Variants in GRID2 observed in about 807,000 individuals in gnomAD.
The protein encoded by GRID2 is glutamate ionotropic receptor delta type subunit 2, also known as glutamate receptor ionotropic, delta-2.
Under a neutral mutation model 114.8 loss-of-function variants are expected in GRID2, and 33 were observed. The observed-to-expected ratio is 0.29, with a 90% CI of 0.22 to 0.38. The LOEUF is 0.38. Among genes scored for constraint, GRID2 ranks in the 10% least tolerant of loss-of-function variants. The probability of loss-of-function intolerance (pLI) is 1.00; values close to 1 mark genes in which losing one functional copy is unlikely to be tolerated. For missense variants in GRID2, 1,184 were observed against 1,257.7 expected (o/e 0.94, Z 0.89); for synonymous variants, 505 against 449.9 (o/e 1.12, Z -1.55).
intron 1 of GRID2, among the ~76,000 whole-genome samples, chr4:92,311,280 A>G (rs1430281114): frequency 6.6e-6 from 1 of 152,040 alleles, no homozygotes; most frequent in Non-Finnish European, 1.5e-5. Flanking sequence ...AAAGAAAGCA[A>G]CCAATTCAAA....
chr4:93,081,616 T>C (rs534515964), intron 2 of GRID2, among the ~76,000 whole-genome samples: 30 of 152,306 alleles, frequency 2.0e-4, no homozygotes, highest in Admixed American at 1.8e-3. Flanking sequence ...CAGCAAGCTT[T>C]TCAATATGAT....
intron 2 of GRID2, among the ~76,000 whole-genome samples, chr4:92,846,310 T>C (rs80147438): frequency 0.02 from 3,017 of 152,152 alleles, 88 homozygotes; most frequent in African/African-American, 0.069. Context: ...TTTGAGTCTT[T>C]GGCCCCCTTC....
At chr4:93,786,603 G>A (rs150883230) in intron 1 of GRID2, among the ~76,000 whole-genome samples, 126 of 152,340 alleles carry the variant, frequency 8.3e-4, no homozygotes, top group African/African-American at 2.9e-3. Flanking sequence ...TCAATTGCCT[G>A]ATGTTTAGTG....
intron 2 of GRID2, among the ~76,000 whole-genome samples, chr4:93,054,146 A>G (rs1291602247): frequency 6.6e-6 from 1 of 151,944 alleles, no homozygotes; most frequent in Non-Finnish European, 1.5e-5. Flanking sequence ...CAGATGGCAA[A>G]CTAAACCATT....
intron 2 of GRID2, chr4:92,885,245 A>ATC (rs1263846268): frequency 6.0e-6 from 1 of 165,362 alleles, no homozygotes; most frequent in African/African-American, 2.4e-5. Context: ...CTGAGGTTTG[A>ATC]TGGTAATGTT....
intron 1 of GRID2, among the ~76,000 whole-genome samples, chr4:92,341,366 A>G (rs1727480380): frequency 6.6e-6 from 1 of 152,112 alleles, no homozygotes; most frequent in Admixed American, 6.6e-5. Context: ...ACAGCAAGAG[A>G]TGGCAGTTCT....
intron 1 of GRID2, among the ~76,000 whole-genome samples, chr4:92,415,740 G>GTGTATATATATATA (rs1459039400): frequency 1.2e-5 from 1 of 82,228 alleles, no homozygotes; most frequent in Non-Finnish European, 2.4e-5. Context: ...GTGTATGTGT[G>GTGTATATATATATA]TATATATATA....
chr4:93,768,329 A>T (rs1733838794), intron 14 of GRID2, among the ~76,000 whole-genome samples: 2 of 152,186 alleles, frequency 1.3e-5, no homozygotes, highest in Admixed American at 1.3e-4. Flanking sequence ...CCTGTGAAAA[A>T]GGGCATAGCT....
chr4:93,435,083 T>G (rs1286825596), intron 10 of GRID2, among the ~76,000 whole-genome samples: 1 of 148,374 alleles, frequency 6.7e-6, no homozygotes, highest in African/African-American at 2.6e-5. Context: ...TTGTTTTTTA[T>G]AACACTTACA....
chr4:92,556,864 G>A (rs1726874773), intron 1 of GRID2, among the ~76,000 whole-genome samples: 1 of 152,100 alleles, frequency 6.6e-6, no homozygotes, highest in Non-Finnish European at 1.5e-5. Context: ...ATAGGCTCGA[G>A]GTGAGGGGAT....
intron 13 of GRID2, among the ~76,000 whole-genome samples, chr4:93,551,010 C>G (rs976225161): frequency 3.0e-4 from 46 of 152,212 alleles, no homozygotes; most frequent in African/African-American, 9.6e-4. Context: ...AGTCTGTGAC[C>G]TGGGGGAAAA....
intron 2 of GRID2, among the ~76,000 whole-genome samples, chr4:92,642,172 TG>T (rs1179438141): frequency 5.3e-5 from 8 of 151,724 alleles, no homozygotes; most frequent in African/African-American, 7.3e-5. Context: ...GTAATGGGAA[TG>T]CTAGGTAGAA....
chr4:93,589,659 A>T (rs1296865634), intron 13 of GRID2, among the ~76,000 whole-genome samples: 1 of 151,710 alleles, frequency 6.6e-6, no homozygotes, highest in Non-Finnish European at 1.5e-5. Context: ...ACTAGTTGAC[A>T]GTCCCACCAA....
chr4:93,256,770 T>G (rs1749642577), intron 8 of GRID2, among the ~76,000 whole-genome samples: 1 of 151,960 alleles, frequency 6.6e-6, no homozygotes, highest in Admixed American at 6.6e-5. Context: ...ATTACTAATA[T>G]GTACTGCGAG....
chr4:93,554,220 T>A (rs1734074905), intron 13 of GRID2, among the ~76,000 whole-genome samples: 1 of 152,176 alleles, frequency 6.6e-6, no homozygotes, highest in Non-Finnish European at 1.5e-5. Flanking sequence ...TTTCTTTTCA[T>A]CATGACATCA....
In GRID2 at chr4:92,888,926, T is replaced by C. The variant is rs186731112; in HGVS notation, c.245-196069T>C. 1.4e-3 allele frequency among the ~76,000 whole-genome samples: 216 copies of C among 152,240 alleles called. 1 individual carries two copies. Among genetic ancestry groups the C allele is most frequent in the African/African-American group, 4.9e-3 (202 of 41,558 alleles). ...TACATATTATCTGTATATGAGCAGA[T>C]ATACACATTTTACAGGTCAATTTTA... On this transcript the variant is annotated intron_variant, in intron 2 of 15. Transcript: ENST00000282020.
chr4:92,602,881 A>C (rs368926612), intron 2 of GRID2, among the ~76,000 whole-genome samples: 278 of 152,318 alleles, frequency 1.8e-3, no homozygotes, highest in African/African-American at 6.4e-3. Flanking sequence ...TCAATGTGCA[A>C]AAATAACAAG....
chr4:92,624,189 G>C (rs750956055), intron 2 of GRID2, among the ~76,000 whole-genome samples: 5 of 151,814 alleles, frequency 3.3e-5, no homozygotes, highest in Non-Finnish European at 7.4e-5. Flanking sequence ...CTATGACGTA[G>C]TGTTTTAATT....
intron 13 of GRID2, among the ~76,000 whole-genome samples, chr4:93,560,691 G>C (rs1734836808): frequency 6.6e-6 from 1 of 152,070 alleles, no homozygotes; most frequent in Non-Finnish European, 1.5e-5. Context: ...GGTTTCCCAG[G>C]CTGGTCTCAG....
Sources: gnomAD v4.1 joint callset for allele counts (sites outside exome capture counted in the v4.1 genomes callset) on GRCh38, gnomAD v4.1.1 for gene constraint, MANE v1.5 for transcripts, NCBI Gene and HGNC (gene_info 2026-07-23, HGNC 2026-07-21) for gene names.